The following CFAP20DC variants were observed in gnomAD, a reference collection of about 807,000 sequenced individuals.
The protein encoded by CFAP20DC is CFAP20 domain containing, also known as protein CFAP20DC.
In CFAP20DC, 84 loss-of-function variants were observed where a neutral mutation model predicts 101.7. The observed-to-expected ratio is 0.83, with a 90% CI of 0.69 to 0.99. CFAP20DC has a LOEUF of 0.99. CFAP20DC is among the 50% of genes least tolerant of loss of function. The pLI, the probability that CFAP20DC is intolerant of heterozygous loss-of-function variation, is 0.00. For missense variants in CFAP20DC, 1,007 were observed against 970.3 expected (o/e 1.04, Z -0.50); for synonymous variants, 359 against 351.2 (o/e 1.02, Z -0.25).
At chr3:58,734,283 C>A (rs1390826440) in intron 3 of CFAP20DC, among the ~76,000 whole-genome samples, 1 of 152,120 alleles carries the variant, frequency 6.6e-6, no homozygotes, top group African/African-American at 2.4e-5. Context: ...TCATGAATTA[C>A]CAAGTTTCAG....
At chr3:59,009,797 G>A (rs990819059) in intron 4 of CFAP20DC, among the ~76,000 whole-genome samples, 3 of 152,046 alleles carry the variant, frequency 2.0e-5, no homozygotes, top group Non-Finnish European at 4.4e-5. Context: ...CAAGACAAAG[G>A]AAAGAATCTT....
rs922542426 is a variant in CFAP20DC, at chr3:58,742,487, T to A, written c.2418A>T (p.Gln806His). Reference sequence around the variant, plus strand: ...ATACCAACTCATAGTATTTCCCTGTTTGGGGGTCAAAGTAACAGTTCAGAC... The same window carrying A: ...ATACCAACTCATAGTATTTCCCTGTATGGGGGTCAAAGTAACAGTTCAGAC... ...DPCLNCYFDP[Q>H]TGKYYELV The change falls in exon 17 of 17, where the codon CAA becomes CAT. Residue 806 changes from glutamine (Q) to histidine (H), a missense_variant. Physicochemically the swap from Gln to His is conservative, Grantham distance 24. Coordinates refer to ENST00000482387, the MANE Select transcript of CFAP20DC (RefSeq NM_001394063.1). 1 of 1,606,774 alleles carries A rather than the reference T, an allele frequency of 6.2e-7. No homozygotes were observed. The highest frequency in any genetic ancestry group is 1.7e-5 in the Admixed American group (1 of 58,970).
At chr3:59,029,005 C>G (rs1393499310) in intron 4 of CFAP20DC, among the ~76,000 whole-genome samples, 1 of 152,168 alleles carries the variant, frequency 6.6e-6, no homozygotes, top group Non-Finnish European at 1.5e-5. Flanking sequence ...TTAGTTCCCC[C>G]TAATACTTCA....
chr3:58,795,557 C>T lies in CFAP20DC; in HGVS notation c.2237+10838G>A, dbSNP rs1012721651. 3.3e-5 allele frequency among the ~76,000 whole-genome samples: 5 copies of T among 152,142 alleles called. No individual in the cohort carries two copies. Among genetic ancestry groups the T allele is most frequent in the Admixed American group, 6.6e-5 (1 of 15,266 alleles). ...GGAGAGTTACCTGAGCCCGGGAGGC[C>T]GAGGCTGCAATGAGCCATGATTGTG... On this transcript the variant is annotated intron_variant, in intron 15 of 16. Transcript: ENST00000482387. The surrounding 1 kb of genome is among the most constrained non-coding windows in gnomAD (Gnocchi z 4.2).
At chr3:58,953,321 C>G (rs989739734) in intron 4 of CFAP20DC, among the ~76,000 whole-genome samples, 1 of 152,152 alleles carries the variant, frequency 6.6e-6, no homozygotes. Context: ...CAATAGGAAT[C>G]AAATGCTAGG....
chr3:58,807,557 C>T (rs1400296890), intron 14 of CFAP20DC, among the ~76,000 whole-genome samples: 2 of 152,122 alleles, frequency 1.3e-5, no homozygotes, highest in Admixed American at 6.5e-5. Context: ...CATACCAAAA[C>T]CCCATCTGTA....
At chr3:58,996,254 A>G (rs535710139) in intron 4 of CFAP20DC, among the ~76,000 whole-genome samples, 13 of 152,286 alleles carry the variant, frequency 8.5e-5, no homozygotes, top group Middle Eastern at 6.8e-3. Context: ...ATTTGACTAT[A>G]AATAGATGCT....
rs1370924937 is a variant in CFAP20DC, at chr3:59,049,469, C to T, written c.21+142G>A. The T allele has an allele frequency of 3.6e-6, 3 of 832,402 alleles. No individual in the cohort carries two copies. In the African/African-American group the frequency reaches 5.0e-5, roughly 14 times the overall value. 51.6% of individuals were successfully genotyped at this position (832,402 alleles called of 1,614,324 possible). A position where few individuals can be genotyped will look rare whatever the true frequency, so the allele number is the denominator to read the frequency against. On this transcript the variant is annotated intron_variant, in intron 1 of 16. Coordinates refer to ENST00000482387, the MANE Select transcript of CFAP20DC (RefSeq NM_001394063.1). Reference sequence around the variant, plus strand: ...TTTTTCCTTCTCTCTGGGTCAACAGCATTCACCCATTAATTCTGTCTTACC... The same window carrying T: ...TTTTTCCTTCTCTCTGGGTCAACAGTATTCACCCATTAATTCTGTCTTACC...
At chr3:58,826,332 G>A (rs765682263) in intron 14 of CFAP20DC, among the ~76,000 whole-genome samples, 36 of 151,982 alleles carry the variant, frequency 2.4e-4, no homozygotes, top group Non-Finnish European at 4.4e-4. Flanking sequence ...TTTAAGTTTT[G>A]GGATACATGG....
At chr3:59,004,384 T>C (rs1576671357) in intron 4 of CFAP20DC, among the ~76,000 whole-genome samples, 1 of 152,192 alleles carries the variant, frequency 6.6e-6, no homozygotes, top group Non-Finnish European at 1.5e-5. Context: ...TAAAGTGACA[T>C]ACTAATTTAA....
At chr3:58,900,011 G>A (rs1327840829) in intron 6 of CFAP20DC, among the ~76,000 whole-genome samples, 1 of 152,166 alleles carries the variant, frequency 6.6e-6, no homozygotes, top group Non-Finnish European at 1.5e-5. Context: ...AGCATAATGG[G>A]AGAATCTAAT....
chr3:58,857,878 C>T (rs2078961868), intron 12 of CFAP20DC, among the ~76,000 whole-genome samples: 1 of 152,050 alleles, frequency 6.6e-6, no homozygotes, highest in Non-Finnish European at 1.5e-5. Context: ...ATGCTTTTGC[C>T]TCTTTAATAA....
chr3:58,921,124 G>A (rs933282402), intron 5 of CFAP20DC, among the ~76,000 whole-genome samples: 2 of 151,882 alleles, frequency 1.3e-5, no homozygotes, highest in African/African-American at 4.8e-5. Flanking sequence ...CTTGGTATTG[G>A]CAATGTGTAT....
intron 15 of CFAP20DC, among the ~76,000 whole-genome samples, chr3:58,786,653 T>C (rs1050210316): frequency 2.0e-5 from 3 of 151,330 alleles, no homozygotes; most frequent in South Asian, 2.1e-4. Flanking sequence ...TTCAAGTAAC[T>C]CTTATTTTAC....
At chr3:58,988,785 C>G (rs1248085972) in intron 4 of CFAP20DC, among the ~76,000 whole-genome samples, 1 of 152,190 alleles carries the variant, frequency 6.6e-6, no homozygotes, top group African/African-American at 2.4e-5. Flanking sequence ...AGTCTTTTTT[C>G]TAAATCACTG....
At chr3:58,866,360 G>A (rs539654352) in intron 11 of CFAP20DC, among the ~76,000 whole-genome samples, 18 of 152,234 alleles carry the variant, frequency 1.2e-4, no homozygotes, top group Non-Finnish European at 2.1e-4. Context: ...AGGATGACCA[G>A]TGCATTAAAA....
chr3:58,910,503 C>A (rs1038194383), intron 6 of CFAP20DC, among the ~76,000 whole-genome samples: 3 of 152,048 alleles, frequency 2.0e-5, no homozygotes, highest in Non-Finnish European at 4.4e-5. Flanking sequence ...ATCCTTTGTA[C>A]ATAAATTGTA....
chr3:58,936,907 A>G (rs1480424879), intron 5 of CFAP20DC, among the ~76,000 whole-genome samples: 1 of 152,056 alleles, frequency 6.6e-6, no homozygotes, highest in Non-Finnish European at 1.5e-5. Context: ...CACGTACCCT[A>G]AAACTTAAAG....
At chr3:59,048,578 T>C in intron 1 of CFAP20DC, among the ~76,000 whole-genome samples, 1 of 152,184 alleles carries the variant, frequency 6.6e-6, no homozygotes, top group East Asian at 1.9e-4. Context: ...TAATATATTT[T>C]ACCTATAAGA....
Sources: allele counts gnomAD v4.1 joint callset (sites outside exome capture counted in the v4.1 genomes callset), GRCh38; gene constraint gnomAD v4.1.1; non-coding constraint Gnocchi (gnomAD v3.1); transcripts MANE v1.5; gene names NCBI Gene and HGNC (gene_info 2026-07-23, HGNC 2026-07-21).